The following ZNF385D variants were observed in gnomAD, a reference collection of about 807,000 sequenced individuals.
The protein encoded by ZNF385D is zinc finger protein 659.
In ZNF385D, 15 loss-of-function variants were observed where a neutral mutation model predicts 35.8. The ratio of observed to expected loss-of-function variants is 0.42; its 90% confidence interval spans 0.28 to 0.64. The LOEUF is 0.64. Ranked by LOEUF, ZNF385D falls within the 30% of genes least tolerant of loss-of-function variation. The pLI, the probability that ZNF385D is intolerant of heterozygous loss-of-function variation, is 0.23. For synonymous variants in ZNF385D, 212 were observed against 186.8 expected (o/e 1.13, Z -1.10); for missense variants, 474 against 494.6 (o/e 0.96, Z 0.39).
chr3:21,866,323 GTGCACC>G (rs1697358960), intron 3 of ZNF385D, among the ~76,000 whole-genome samples: 1 of 151,996 alleles, frequency 6.6e-6, no homozygotes, highest in South Asian at 2.1e-4. Flanking sequence ...GCATGGTGGC[GTGCACC>G]TGTAATCGCA....
chr3:21,550,889 T>C (rs1447861345), intron 3 of ZNF385D, among the ~76,000 whole-genome samples: 1 of 152,234 alleles, frequency 6.6e-6, no homozygotes, highest in Non-Finnish European at 1.5e-5. Context: ...TATGCTCTCA[T>C]GAGGTTTCTT....
rs138189514 is a variant in ZNF385D, at chr3:22,019,543, T to C, written c.325+149274A>G. Among the ~76,000 whole-genome samples, 9 of 152,128 alleles carry C rather than the reference T, an allele frequency of 5.9e-5. No individual in the cohort carries two copies. In the East Asian group the frequency reaches 1.5e-3, roughly 26 times the overall value. On this transcript the variant is annotated intron_variant, in intron 3 of 5. Transcript: ENST00000494108. ...TATGCATGAAAAATATAAGCACATA[T>C]ATATACACAAATGATGATCAGACTA...
intron 3 of ZNF385D, among the ~76,000 whole-genome samples, chr3:21,814,663 G>A (rs2073071831): frequency 6.6e-6 from 1 of 152,098 alleles, no homozygotes; most frequent in Admixed American, 6.5e-5. Context: ...CCCAATACAG[G>A]AGCACCCAGA....
At chr3:21,863,483 A>G (rs1426308465) in intron 3 of ZNF385D, among the ~76,000 whole-genome samples, 1 of 152,150 alleles carries the variant, frequency 6.6e-6, no homozygotes, top group African/African-American at 2.4e-5. Context: ...CTTATTGACT[A>G]TGAGAAATAG....
intron 3 of ZNF385D, among the ~76,000 whole-genome samples, chr3:22,031,863 C>T (rs1338224920): frequency 6.6e-6 from 1 of 152,170 alleles, no homozygotes; most frequent in Non-Finnish European, 1.5e-5. Flanking sequence ...CAAACTATCT[C>T]TTTGTGAACA....
chr3:22,210,497 G>A (rs1376780349), intron 2 of ZNF385D, among the ~76,000 whole-genome samples: 1 of 151,718 alleles, frequency 6.6e-6, no homozygotes, highest in Non-Finnish European at 1.5e-5. Flanking sequence ...AAAACAAAAC[G>A]TGTATCTGAA....
chr3:21,566,572 G>T (rs2063154706), intron 2 of ZNF385D, among the ~76,000 whole-genome samples: 2 of 152,140 alleles, frequency 1.3e-5, no homozygotes, highest in South Asian at 4.1e-4. Flanking sequence ...AGTGAGCTGA[G>T]ATCATGCCAC....
chr3:22,293,937 C>G (rs2125401816), intron 2 of ZNF385D, among the ~76,000 whole-genome samples: 1 of 152,120 alleles, frequency 6.6e-6, no homozygotes, highest in Non-Finnish European at 1.5e-5. Context: ...TTCCTACATA[C>G]TTGTTCATTT....
intron 1 of ZNF385D, among the ~76,000 whole-genome samples, chr3:21,747,399 C>T (rs897773567): frequency 6.6e-6 from 1 of 152,188 alleles, no homozygotes; most frequent in Non-Finnish European, 1.5e-5. Flanking sequence ...ACAGTCTCTA[C>T]CTGCTTGACT....
intron 4 of ZNF385D, among the ~76,000 whole-genome samples, chr3:21,507,095 C>T (rs886106383): frequency 1.3e-5 from 2 of 152,070 alleles, no homozygotes; most frequent in Admixed American, 6.6e-5. Flanking sequence ...TAATATATGA[C>T]TTGAAAATTT....
At chr3:21,630,210 T>TC in intron 2 of ZNF385D, among the ~76,000 whole-genome samples, 1 of 151,452 alleles carries the variant, frequency 6.6e-6, no homozygotes, top group East Asian at 1.9e-4. Flanking sequence ...TCTTTCTTTT[T>TC]TTTTTTTTTG....
chr3:21,564,843 T>A (rs1232766488), intron 2 of ZNF385D, among the ~76,000 whole-genome samples, 159 bp from the exon 3 acceptor site: 1 of 152,190 alleles, frequency 6.6e-6, no homozygotes, highest in Non-Finnish European at 1.5e-5. Context: ...TTTACTTTCT[T>A]GGAAAATAGA....
At chr3:22,264,196 G>A (rs1219816562) in intron 2 of ZNF385D, among the ~76,000 whole-genome samples, 1 of 151,954 alleles carries the variant, frequency 6.6e-6, no homozygotes, top group Admixed American at 6.6e-5. Context: ...CAGAAATTCA[G>A]TAAGTATGTG....
chr3:22,087,457 A>G (rs1328214114), intron 3 of ZNF385D, among the ~76,000 whole-genome samples: 1 of 152,172 alleles, frequency 6.6e-6, no homozygotes, highest in Non-Finnish European at 1.5e-5. Flanking sequence ...AATTCTAAGA[A>G]GTGTCACTTA....
intron 2 of ZNF385D, among the ~76,000 whole-genome samples, chr3:22,241,052 C>T (rs1292653742): frequency 6.6e-6 from 1 of 151,100 alleles, no homozygotes; most frequent in African/African-American, 2.4e-5. Flanking sequence ...AAATTTTTGC[C>T]TTGTTAATAC....
In ZNF385D at chr3:22,107,555, G is replaced by C. The variant is rs1480938463; in HGVS notation, c.325+61262C>G. ...ATATGCAAGTAGGAACCTAACCTGA[G>C]ATGACTTCTTTAGTGACTACAAATT... On this transcript the variant is annotated intron_variant, in intron 3 of 5. Transcript: ENST00000494108. Among the ~76,000 whole-genome samples, 4 of 152,144 alleles carry C rather than the reference G, an allele frequency of 2.6e-5. No homozygotes were observed. The East Asian group carries it at 7.8e-4, about 30-fold the overall frequency.
At chr3:21,557,409 C>T (rs1171388517) in intron 3 of ZNF385D, among the ~76,000 whole-genome samples, 1 of 152,134 alleles carries the variant, frequency 6.6e-6, no homozygotes, top group Non-Finnish European at 1.5e-5. Flanking sequence ...TTTTCTGCAT[C>T]TATTGAGATA....
chr3:22,237,889 G>A (rs1046232706), intron 2 of ZNF385D, among the ~76,000 whole-genome samples: 15 of 148,050 alleles, frequency 1.0e-4, no homozygotes, highest in African/African-American at 3.1e-4. Flanking sequence ...TGATCTGCCC[G>A]CCACAACCTC....
At chr3:21,698,125 A>T (rs2067536041) in intron 1 of ZNF385D, among the ~76,000 whole-genome samples, 2 of 152,302 alleles carry the variant, frequency 1.3e-5, no homozygotes, top group East Asian at 1.9e-4. Flanking sequence ...AGAAATCATT[A>T]TGTAAAAAAG....
Sources: gnomAD v4.1 joint callset for allele counts (sites outside exome capture counted in the v4.1 genomes callset) on GRCh38, gnomAD v4.1.1 for gene constraint, MANE v1.5 for transcripts, NCBI Gene and HGNC (gene_info 2026-07-23, HGNC 2026-07-21) for gene names.